Variants in PHB1 observed in about 807,000 individuals in gnomAD.
PHB1 encodes the protein epididymis luminal protein 215.
At chr17:49,407,200 C>T in the PHB1 span, 2 of 244,332 alleles carry the variant, frequency 8.2e-6, no homozygotes, top group Non-Finnish European at 1.7e-5. Flanking sequence ...TCTAAGACCC[C>T]CGCCACTGAC....
the PHB1 span, chr17:49,412,253 AT>A: frequency 5.9e-6 from 1 of 168,250 alleles, no homozygotes; most frequent in East Asian, 1.7e-4. Context: ...CACCCTCATT[AT>A]GGGAATCCTA....
chr17:49,405,042 T>C, the PHB1 span: 3 of 1,575,778 alleles, frequency 1.9e-6, no homozygotes, highest in East Asian at 2.3e-5. Flanking sequence ...AGGTAGGTGA[T>C]GTTCCGAGAG....
chr17:49,405,292 T>G, the PHB1 span: 1 of 1,129,204 alleles, frequency 8.9e-7, no homozygotes, highest in Non-Finnish European at 1.3e-6. Flanking sequence ...GAAAGCCACC[T>G]TCCCAGGCTC....
At chr17:49,405,457 T>C in the PHB1 span, among the ~76,000 whole-genome samples, 4 of 152,326 alleles carry the variant, frequency 2.6e-5, 1 homozygote, top group Middle Eastern at 6.8e-3. Flanking sequence ...ATATTTGTCT[T>C]ATTTCAAAGT....
the PHB1 span, chr17:49,409,334 C>G: frequency 6.2e-7 from 1 of 1,614,130 alleles, no homozygotes; most frequent in South Asian, 1.1e-5. Flanking sequence ...CACTCACCAC[C>G]ACTGACTTGA....
At chr17:49,405,946 C>T in the PHB1 span, among the ~76,000 whole-genome samples, 1 of 152,328 alleles carries the variant, frequency 6.6e-6, no homozygotes, top group Middle Eastern at 3.4e-3. Context: ...GAAGACAGCT[C>T]TCTGCAACGT....
the PHB1 span, chr17:49,412,740 G>A: frequency 0.23 from 36,076 of 155,958 alleles, 5,237 homozygotes; most frequent in Non-Finnish European, 0.33. Flanking sequence ...GAAACTACCC[G>A]AATTCAGCAC....
chr17:49,409,338 G>T, the PHB1 span: 1 of 1,614,148 alleles, frequency 6.2e-7, no homozygotes, highest in Non-Finnish European at 8.5e-7. Flanking sequence ...CACCACCACT[G>T]ACTTGAGGAT....
the PHB1 span, among the ~76,000 whole-genome samples, chr17:49,410,855 C>T: frequency 6.6e-6 from 1 of 152,206 alleles, no homozygotes; most frequent in Non-Finnish European, 1.5e-5. Flanking sequence ...ATGTGTAACA[C>T]ATATAAGGGG....
chr17:49,411,800 C>A, the PHB1 span: 11,118 of 1,614,048 alleles, frequency 6.9e-3, 57 homozygotes, highest in Non-Finnish European at 8.4e-3. Flanking sequence ...CTGCACTCCA[C>A]GGAATCGGTC....
At chr17:49,409,538 TTTTTG>T in the PHB1 span, 1 of 1,077,874 alleles carries the variant, frequency 9.3e-7, no homozygotes, top group Non-Finnish European at 1.3e-6. Context: ...AAGTGTTTTT[TTTTTG>T]TTTTTTTTTT....
chr17:49,408,970 C>G, the PHB1 span: 2 of 915,876 alleles, frequency 2.2e-6, no homozygotes, highest in Non-Finnish European at 3.4e-6. Context: ...TAGCGTCTAC[C>G]CAGAAATGGA....
chr17:49,408,802 G>C, the PHB1 span: 2 of 480,936 alleles, frequency 4.2e-6, no homozygotes, highest in Non-Finnish European at 7.4e-6. Context: ...TTAGTGGTTA[G>C]AGACTATCTG....
At chr17:49,409,067 C>T in the PHB1 span, 2 of 1,610,080 alleles carry the variant, frequency 1.2e-6, no homozygotes, top group Non-Finnish European at 1.7e-6. Context: ...CAGGATGAGC[C>T]CAAAGGTGGC....
the PHB1 span, among the ~76,000 whole-genome samples, chr17:49,405,924 C>T: frequency 6.6e-6 from 1 of 152,180 alleles, no homozygotes; most frequent in Non-Finnish European, 1.5e-5. Flanking sequence ...CTTGCCCTAC[C>T]AATATCAATA....
chr17:49,410,822 C>G, the PHB1 span, among the ~76,000 whole-genome samples: 2 of 152,184 alleles, frequency 1.3e-5, no homozygotes, highest in Admixed American at 1.3e-4. Flanking sequence ...AAGGAGAAAA[C>G]AGACGTAAAA....
chr17:49,409,221 G>C, the PHB1 span: 1 of 1,574,104 alleles, frequency 6.4e-7, no homozygotes, highest in South Asian at 1.1e-5. Flanking sequence ...AAAGGAACCA[G>C]GAAACTAGCA....
the PHB1 span, among the ~76,000 whole-genome samples, chr17:49,410,328 A>G: frequency 1.3e-5 from 2 of 152,324 alleles, no homozygotes; most frequent in Admixed American, 6.5e-5. Flanking sequence ...GCTACAATTT[A>G]TAAGCAAATC....
chr17:49,405,240 C>T, the PHB1 span: 3 of 1,564,726 alleles, frequency 1.9e-6, no homozygotes, highest in Non-Finnish European at 1.8e-6. Flanking sequence ...GATCAAACCT[C>T]AGGGCACCGC....
Sources: gnomAD v4.1 joint callset for allele counts (sites outside exome capture counted in the v4.1 genomes callset) on GRCh38, gnomAD v4.1.1 for gene constraint, MANE v1.5 for transcripts, NCBI Gene and HGNC (gene_info 2026-07-23, HGNC 2026-07-21) for gene names.